DPY19L3: variants seen among roughly 807,000 people sequenced by gnomAD.
DPY19L3 encodes the protein dpy-19 like C-mannosyltransferase 3.
DPY19L3 carries 51 observed loss-of-function variants against 92.3 expected under a neutral mutation model. The ratio of observed to expected loss-of-function variants is 0.55; its 90% CI spans 0.44 to 0.70. The LOEUF is 0.70. Ranked by LOEUF, DPY19L3 falls within the 30% of genes least tolerant of loss-of-function variation. The pLI is 0.00. For missense variants in DPY19L3, 706 were observed against 855.9 expected (o/e 0.82, Z 2.18); for synonymous variants, 309 against 315.2 (o/e 0.98, Z 0.21).
chr19:32,425,871 C>T (rs926846520), intron 3 of DPY19L3, among the ~76,000 whole-genome samples: 7 of 152,140 alleles, frequency 4.6e-5, no homozygotes, highest in African/African-American at 1.7e-4. Flanking sequence ...TGAACATTGG[C>T]TTCAACTTAA....
Position 32,444,693 on chromosome 19 carries a change from G to A in DPY19L3, c.855+4783G>A, listed in dbSNP as rs1969429617. 3.3e-5 allele frequency among the ~76,000 whole-genome samples: 5 copies of A among 152,102 alleles called. No homozygotes were observed. In the South Asian group the frequency reaches 1.0e-3, roughly 32 times the overall value. ...TAAGACACATTATAATCAAACTTTT[G>A]GAGACTAAAGATAAATTTTAAAAAA... On this transcript the variant is annotated intron_variant, in intron 8 of 18. Coordinates refer to ENST00000392250, the MANE Select transcript of DPY19L3 (RefSeq NM_001172774.2).
intron 4 of DPY19L3, 85 bp downstream of exon 4, chr19:32,432,891 T>C: frequency 7.6e-6 from 8 of 1,058,106 alleles, no homozygotes; most frequent in Non-Finnish European, 1.1e-5. Flanking sequence ...AAAAACCACT[T>C]AAATGCTCTC....
rs1261995388 is a variant in DPY19L3 at position 32,482,717 on chromosome 19, G to T, written c.*477G>T. ...TTTTTAAAAAGCACTTTAGTGTCCT[G>T]TTTTACCTTAAAATGTTATAATATT... is the stretch of plus-strand genomic sequence containing the variant. On this transcript the variant is annotated 3_prime_UTR_variant, in exon 19 of 19. Transcript: ENST00000392250. 1 of 152,812 alleles carries T rather than the reference G, an allele frequency of 6.5e-6. No homozygotes were observed. The highest frequency in any genetic ancestry group is 1.5e-5 in the Non-Finnish European group (1 of 68,498). 9.5% of individuals were successfully genotyped at this position (152,812 alleles called of 1,614,324 possible). A position where few individuals can be genotyped will look rare whatever the true frequency, so the allele number is the denominator to read the frequency against.
chr19:32,454,445 G>A (rs2145566187), intron 9 of DPY19L3, among the ~76,000 whole-genome samples: 1 of 152,194 alleles, frequency 6.6e-6, no homozygotes, highest in Non-Finnish European at 1.5e-5. Context: ...GTTGTGGCAG[G>A]CGCCTGTAGT....
At chr19:32,460,121 A>C (rs1969990605) in intron 12 of DPY19L3, among the ~76,000 whole-genome samples, 1 of 152,184 alleles carries the variant, frequency 6.6e-6, no homozygotes, top group Non-Finnish European at 1.5e-5. Flanking sequence ...TACAGTAAAA[A>C]TATAAAGGCC....
intron 8 of DPY19L3, among the ~76,000 whole-genome samples, chr19:32,441,075 T>C (rs73567556): frequency 0.085 from 12,965 of 152,218 alleles, 1,249 homozygotes; most frequent in African/African-American, 0.2. Flanking sequence ...ACTCCTATAA[T>C]CTTTCTTTAG....
In DPY19L3 at chr19:32,458,095, G is replaced by A. The variant is rs747277524; in HGVS notation, c.1090-5G>A. 2.6e-5 allele frequency: 41 copies of A among 1,607,676 alleles called. No homozygotes were observed. Among genetic ancestry groups the A allele is most frequent in the Non-Finnish European group, 3.1e-5 (36 of 1,178,144 alleles). ...AGCAATTTTTGTTTTCTCTTTCCCC[G>A]ATAGAAAATTCTTAACCTGAAGTCA... On this transcript the variant is annotated splice_polypyrimidine_tract_variant and splice_region_variant and intron_variant, in intron 10 of 18. Transcript: ENST00000392250.
intron 3 of DPY19L3, among the ~76,000 whole-genome samples, chr19:32,424,472 A>G (rs1968689685): frequency 6.7e-6 from 1 of 149,770 alleles, no homozygotes; most frequent in Admixed American, 6.7e-5. Flanking sequence ...TAAAAATACA[A>G]AAAAAAAAAT....
chr19:32,469,689 T>C (rs766263021), intron 16 of DPY19L3, among the ~76,000 whole-genome samples: 31 of 152,194 alleles, frequency 2.0e-4, no homozygotes, highest in Non-Finnish European at 3.5e-4. Context: ...AATATCATAA[T>C]GCTTTAGTGT....
chr19:32,445,729 C>T (rs1599635760), intron 8 of DPY19L3, among the ~76,000 whole-genome samples: 2 of 151,946 alleles, frequency 1.3e-5, no homozygotes, highest in South Asian at 2.1e-4. Flanking sequence ...GGCTGGGCGT[C>T]GTGGCTCACA....
chr19:32,430,739 C>T (rs1204613659), intron 3 of DPY19L3, among the ~76,000 whole-genome samples: 1 of 151,774 alleles, frequency 6.6e-6, no homozygotes, highest in African/African-American at 2.4e-5. Flanking sequence ...ATCCCCCTTC[C>T]TCAACCTCCC....
intron 3 of DPY19L3, among the ~76,000 whole-genome samples, chr19:32,413,608 C>T (rs567817043): frequency 7.1e-6 from 1 of 141,626 alleles, no homozygotes; most frequent in South Asian, 2.5e-4. Context: ...CCTCCCCCCA[C>T]CCCACAACAG....
intron 16 of DPY19L3, among the ~76,000 whole-genome samples, chr19:32,472,056 C>G (rs1331600410): frequency 6.6e-6 from 1 of 152,196 alleles, no homozygotes; most frequent in African/African-American, 2.4e-5. Flanking sequence ...GGCCTCGCCT[C>G]AGCACAATTG....
intron 8 of DPY19L3, among the ~76,000 whole-genome samples, chr19:32,449,312 T>C (rs1969621179): frequency 6.6e-6 from 1 of 152,200 alleles, no homozygotes; most frequent in Non-Finnish European, 1.5e-5. Context: ...GTTCTTGGAT[T>C]GGAATACTTA....
chr19:32,454,889 G>A, intron 9 of DPY19L3, 50 bp from the exon 10 acceptor site: 1 of 1,207,066 alleles, frequency 8.3e-7, no homozygotes, highest in Non-Finnish European at 1.2e-6. Context: ...CAGTGTTTAT[G>A]AAGTTATATT....
intron 12 of DPY19L3, among the ~76,000 whole-genome samples, chr19:32,458,829 G>A (rs915985334): frequency 6.6e-6 from 1 of 152,096 alleles, no homozygotes; most frequent in Non-Finnish European, 1.5e-5. Flanking sequence ...TACTCTACAG[G>A]ATATTTGAGA....
chr19:32,426,472 C>G (rs1968768625), intron 3 of DPY19L3, among the ~76,000 whole-genome samples: 1 of 152,196 alleles, frequency 6.6e-6, no homozygotes, highest in South Asian at 2.1e-4. Context: ...GACATGCTTT[C>G]CTCACTAACT....
In DPY19L3 at chr19:32,452,086, A is replaced by G. The variant is rs1969718682; in HGVS notation, c.856-1059A>G. ...AGCAATCCTTCTGTCTCAGCTTCCC[A>G]AGATGTTGGGATTACAGGCATTAGC... On this transcript the variant is annotated intron_variant, in intron 8 of 18. Transcript: ENST00000392250. Among the ~76,000 whole-genome samples, 2 of 152,070 alleles carry G rather than the reference A, an allele frequency of 1.3e-5. 1 individual carries two copies. Among genetic ancestry groups the G allele is most frequent in the Non-Finnish European group, 2.9e-5 (2 of 67,996 alleles).
At chr19:32,438,330 C>T (rs981021107) in intron 6 of DPY19L3, among the ~76,000 whole-genome samples, 2 of 151,898 alleles carry the variant, frequency 1.3e-5, no homozygotes, top group Non-Finnish European at 2.9e-5. Flanking sequence ...CTTAGAAGAA[C>T]CCTATAGAGT....
Sources: gnomAD v4.1 joint callset for allele counts (sites outside exome capture counted in the v4.1 genomes callset) on GRCh38, gnomAD v4.1.1 for gene constraint, MANE v1.5 for transcripts, NCBI Gene and HGNC (gene_info 2026-07-23, HGNC 2026-07-21) for gene names.